Variants in DSCAM observed in about 807,000 individuals in gnomAD.
DSCAM encodes DS cell adhesion molecule.
A neutral mutation model predicts 217.7 loss-of-function variants in DSCAM; 47 were observed. The ratio of observed to expected loss-of-function variants is 0.22; its 90% CI spans 0.17 to 0.28. DSCAM has a LOEUF of 0.28. Among genes scored for constraint, DSCAM ranks in the 10% least tolerant of loss-of-function variants. The pLI, the probability that DSCAM is intolerant of heterozygous loss-of-function variation, is 1.00. For synonymous variants in DSCAM, 1,056 were observed against 1,015.3 expected (o/e 1.04, Z -0.76); for missense variants, 2,080 against 2,618.3 (o/e 0.79, Z 4.49).
In DSCAM at chr21:40,338,262, G is replaced by C; in HGVS notation, c.1622C>G (p.Ser541Cys). 1.2e-6 allele frequency: 2 copies of C among 1,614,246 alleles called. No homozygotes were observed. Among genetic ancestry groups the C allele is most frequent in the Non-Finnish European group, 1.7e-6 (2 of 1,180,040 alleles). ...GCGGTGGTTGAAAGGAAGCAGGTTA[G>C]AGTTCTTGTACCATTTAATGGAGTA... ...PYYSIKWYKNSNLLPFNHRQV... is the reference protein window; with the variant it reads ...PYYSIKWYKNCNLLPFNHRQV... Residue 541 changes from serine (S) to cysteine (C), a missense_variant, in exon 8 of 33, where the codon TCT becomes TGT. Coordinates refer to ENST00000400454, the MANE Select transcript of DSCAM (RefSeq NM_001389.5).
intron 1 of DSCAM, among the ~76,000 whole-genome samples, chr21:40,820,673 T>A (rs886431225): frequency 1.3e-5 from 2 of 151,894 alleles, no homozygotes; most frequent in Admixed American, 6.6e-5. Flanking sequence ...CAGAAAAAAA[T>A]TATCTTATGG....
At chr21:40,263,970 T>C (rs1343504888) in intron 11 of DSCAM, among the ~76,000 whole-genome samples, 1 of 152,192 alleles carries the variant, frequency 6.6e-6, no homozygotes, top group Middle Eastern at 3.4e-3. Context: ...AATAAGTTCC[T>C]GGAAACATAC....
At chr21:40,212,675 A>T (rs1029348224) in intron 11 of DSCAM, among the ~76,000 whole-genome samples, 1 of 152,100 alleles carries the variant, frequency 6.6e-6, no homozygotes, top group Non-Finnish European at 1.5e-5. Flanking sequence ...TTTAATTTTC[A>T]TCCCTTTAGT....
intron 3 of DSCAM, among the ~76,000 whole-genome samples, chr21:40,634,349 C>T (rs2089728245): frequency 6.6e-6 from 1 of 152,204 alleles, no homozygotes; most frequent in South Asian, 2.1e-4. Context: ...TGTCTGCACA[C>T]AGAGGGACTT....
intron 9 of DSCAM, among the ~76,000 whole-genome samples, chr21:40,304,743 T>C (rs966552633): frequency 1.3e-5 from 2 of 152,158 alleles, no homozygotes; most frequent in African/African-American, 4.8e-5. Context: ...ATGGTCAATA[T>C]TGTTGTCTTA....
At chr21:40,329,432 G>T (rs1213173576) in intron 8 of DSCAM, among the ~76,000 whole-genome samples, 1 of 152,062 alleles carries the variant, frequency 6.6e-6, no homozygotes, top group African/African-American at 2.4e-5. Context: ...TGGTCAATAT[G>T]GCGAAGGCTT....
chr21:40,073,643 G>A (rs770933165), intron 27 of DSCAM, among the ~76,000 whole-genome samples: 8 of 152,188 alleles, frequency 5.3e-5, no homozygotes, highest in South Asian at 2.1e-4. Context: ...GGATTAATCC[G>A]TCCTTCTTTT....
intron 3 of DSCAM, among the ~76,000 whole-genome samples, chr21:40,644,254 C>T (rs2089917425): frequency 6.6e-6 from 1 of 152,222 alleles, no homozygotes; most frequent in African/African-American, 2.4e-5. Context: ...AAGCCAAACT[C>T]AGATAACTTT....
chr21:40,636,657 T>C (rs1258784013), intron 3 of DSCAM, among the ~76,000 whole-genome samples: 1 of 152,018 alleles, frequency 6.6e-6, no homozygotes, highest in African/African-American at 2.4e-5. Context: ...CTATGCTATA[T>C]TTTCATTGTC....
intron 3 of DSCAM, among the ~76,000 whole-genome samples, chr21:40,546,969 G>C (rs895162250): frequency 2.0e-5 from 3 of 152,058 alleles, no homozygotes; most frequent in African/African-American, 7.2e-5. Context: ...CAGTTATTGG[G>C]GGCAAGGGGG....
intron 3 of DSCAM, among the ~76,000 whole-genome samples, chr21:40,451,480 G>A (rs1482745728): frequency 6.6e-6 from 1 of 152,174 alleles, no homozygotes; most frequent in African/African-American, 2.4e-5. Context: ...TTGTATCCAT[G>A]TGATGTATTC....
chr21:40,198,711 G>C (rs1447572024), intron 11 of DSCAM, among the ~76,000 whole-genome samples: 1 of 152,220 alleles, frequency 6.6e-6, no homozygotes, highest in Non-Finnish European at 1.5e-5. Context: ...GGGCTCCAGG[G>C]GGCAGGAAAG....
intron 27 of DSCAM, among the ~76,000 whole-genome samples, chr21:40,069,647 A>G (rs1393572794): frequency 6.6e-6 from 1 of 152,200 alleles, no homozygotes; most frequent in Non-Finnish European, 1.5e-5. Flanking sequence ...GATATCCACA[A>G]AAAAACTTTC....
intron 3 of DSCAM, among the ~76,000 whole-genome samples, chr21:40,479,384 C>T (rs907830085): frequency 3.3e-5 from 5 of 152,276 alleles, no homozygotes; most frequent in African/African-American, 1.2e-4. Context: ...TGCTTAATTC[C>T]TTAGTCCCCT....
chr21:40,075,474 G>A (rs1338417238), intron 26 of DSCAM, among the ~76,000 whole-genome samples: 1 of 152,178 alleles, frequency 6.6e-6, no homozygotes, highest in East Asian at 1.9e-4. Context: ...GCAGGCACTT[G>A]AAAGCATGAG....
intron 14 of DSCAM, among the ~76,000 whole-genome samples, chr21:40,185,125 C>T (rs2898402): frequency 0.43 from 65,229 of 152,032 alleles, 17,007 homozygotes; most frequent in African/African-American, 0.74. Context: ...CATTAATCAG[C>T]ATATTTGTCA....
At chr21:40,644,084 A>G (rs2089915555) in intron 3 of DSCAM, among the ~76,000 whole-genome samples, 1 of 152,180 alleles carries the variant, frequency 6.6e-6, no homozygotes, top group African/African-American at 2.4e-5. Flanking sequence ...TTGGTCCAAG[A>G]CTGAGATTCA....
Position 40,031,366 on chromosome 21 carries a change from C to T in DSCAM, c.5686+11005G>A, listed in dbSNP as rs79907143. ...ACGTTCACTGCATCTCAGACAGACC[C>T]GGTTAAAACACAAATATACGACACT... On this transcript the variant is annotated intron_variant, in intron 32 of 32. Coordinates refer to ENST00000400454, the MANE Select transcript of DSCAM (RefSeq NM_001389.5). Among the ~76,000 whole-genome samples the T allele has an allele frequency of 9.2e-5, 14 of 152,196 alleles. No homozygotes were observed. In the East Asian group the frequency reaches 2.7e-3, roughly 29 times the overall value.
chr21:40,455,699 G>T (rs151062016), intron 3 of DSCAM, among the ~76,000 whole-genome samples: 115 of 152,270 alleles, frequency 7.6e-4, no homozygotes, highest in Middle Eastern at 3.4e-3. Flanking sequence ...AATCCAGGAG[G>T]TGGAGGTTGC....
Sources: allele counts gnomAD v4.1 joint callset (sites outside exome capture counted in the v4.1 genomes callset), GRCh38; gene constraint gnomAD v4.1.1; transcripts MANE v1.5; gene names NCBI Gene and HGNC (gene_info 2026-07-23, HGNC 2026-07-21).